ENOX1: variants seen among roughly 807,000 people sequenced by gnomAD.
ENOX1 encodes the protein candidate growth-related and time keeping constitutive hydroquinone (NADH) oxidase.
In ENOX1, 42 loss-of-function variants were observed where a neutral mutation model predicts 82.5. The observed-to-expected ratio is 0.51, with a 90% CI of 0.40 to 0.66. The LOEUF (loss-of-function observed/expected upper bound fraction) is 0.66, where lower values mean the gene tolerates loss of function less well. Among genes scored for constraint, ENOX1 ranks in the 30% least tolerant of loss-of-function variants. ENOX1 has a pLI of 0.00. For missense variants in ENOX1, 608 were observed against 811.6 expected (o/e 0.75, Z 3.05); for synonymous variants, 271 against 282.2 (o/e 0.96, Z 0.40).
At chr13:43,418,122 T>C (rs1487194764) in intron 3 of ENOX1, among the ~76,000 whole-genome samples, 2 of 152,118 alleles carry the variant, frequency 1.3e-5, no homozygotes, top group Non-Finnish European at 2.9e-5. Context: ...GACAGGAGAA[T>C]TGCTTGAACC....
At chr13:43,566,589 C>A (rs1239366665) in intron 2 of ENOX1, among the ~76,000 whole-genome samples, 2 of 151,736 alleles carry the variant, frequency 1.3e-5, no homozygotes. Context: ...ATACTTCTAT[C>A]TGCAGCAATA....
chr13:43,717,689 A>G (rs2088243325), intron 1 of ENOX1, among the ~76,000 whole-genome samples: 3 of 152,164 alleles, frequency 2.0e-5, no homozygotes, highest in Non-Finnish European at 4.4e-5. Context: ...AAACAAATCA[A>G]CAAGCAAAAA....
intron 1 of ENOX1, among the ~76,000 whole-genome samples, chr13:43,742,641 A>AT (rs1421716652): frequency 6.6e-6 from 1 of 152,202 alleles, no homozygotes; most frequent in Admixed American, 6.5e-5. Context: ...TTATCTGGGC[A>AT]TTCTTTGGCC....
intron 5 of ENOX1, among the ~76,000 whole-genome samples, chr13:43,365,844 G>C (rs1037046179): frequency 2.0e-5 from 3 of 152,208 alleles, no homozygotes; most frequent in African/African-American, 7.2e-5. Flanking sequence ...ACGCCAGATG[G>C]ACCCTCAAGT....
chr13:43,689,679 G>A, intron 1 of ENOX1, among the ~76,000 whole-genome samples: 1 of 152,156 alleles, frequency 6.6e-6, no homozygotes, highest in East Asian at 1.9e-4. Flanking sequence ...CTCTATAGGA[G>A]AAATGTATAT....
chr13:43,501,166 G>GA (rs922714201), intron 2 of ENOX1, among the ~76,000 whole-genome samples: 25 of 149,766 alleles, frequency 1.7e-4, no homozygotes, highest in Admixed American at 4.0e-4. Context: ...GTAAAAGAAT[G>GA]AAAAAAAAAT....
At chr13:43,552,004 G>A (rs927234961) in intron 2 of ENOX1, among the ~76,000 whole-genome samples, 1 of 152,046 alleles carries the variant, frequency 6.6e-6, no homozygotes, top group Non-Finnish European at 1.5e-5. Context: ...GCCTGACCTG[G>A]TCTCTACCTG....
chr13:43,465,802 G>A (rs2057692892), intron 3 of ENOX1, among the ~76,000 whole-genome samples: 1 of 152,148 alleles, frequency 6.6e-6, no homozygotes, highest in South Asian at 2.1e-4. Flanking sequence ...GTTTGTTGCA[G>A]CCCCCTCTCC....
At chr13:43,509,556 G>A (rs1326168142) in intron 2 of ENOX1, among the ~76,000 whole-genome samples, 1 of 152,082 alleles carries the variant, frequency 6.6e-6, no homozygotes, top group Non-Finnish European at 1.5e-5. Context: ...TACATCTGAT[G>A]TAGCACGAAC....
chr13:43,228,433 A>G (rs1212094996), intron 15 of ENOX1, among the ~76,000 whole-genome samples: 1 of 152,174 alleles, frequency 6.6e-6, no homozygotes, highest in African/African-American at 2.4e-5. Flanking sequence ...AAAATTTTAA[A>G]AGAACAAAGG....
At chr13:43,689,080 G>T (rs1040882558) in intron 1 of ENOX1, among the ~76,000 whole-genome samples, 1 of 152,178 alleles carries the variant, frequency 6.6e-6, no homozygotes, top group Non-Finnish European at 1.5e-5. Context: ...CCAAAAGGAG[G>T]AAAGTTCAGA....
At chr13:43,665,146 C>T (rs192731244) in intron 2 of ENOX1, among the ~76,000 whole-genome samples, 232 of 152,270 alleles carry the variant, frequency 1.5e-3, no homozygotes, top group Non-Finnish European at 1.7e-3. Context: ...TTGCAGGGCT[C>T]CTAAAGATGC....
intron 2 of ENOX1, among the ~76,000 whole-genome samples, chr13:43,535,133 C>T (rs530748661): frequency 6.6e-6 from 1 of 152,284 alleles, no homozygotes; most frequent in African/African-American, 2.4e-5. Flanking sequence ...ATAGAGATTA[C>T]ACTACAGAGT....
chr13:43,296,069 A>G (rs1197367459), intron 12 of ENOX1, among the ~76,000 whole-genome samples: 1 of 152,154 alleles, frequency 6.6e-6, no homozygotes, highest in Admixed American at 6.5e-5. Context: ...GCTTGCCTCC[A>G]GGTCTTTGTC....
intron 2 of ENOX1, among the ~76,000 whole-genome samples, chr13:43,494,483 A>G (rs961534829): frequency 3.9e-5 from 6 of 152,216 alleles, no homozygotes; most frequent in African/African-American, 1.4e-4. Context: ...TAACCTAAGA[A>G]AATGACGGAA....
At chr13:43,416,191 A>T (rs1256568033) in intron 3 of ENOX1, among the ~76,000 whole-genome samples, 44 of 13,004 alleles carry the variant, frequency 3.4e-3, no homozygotes, top group Middle Eastern at 0.029. Flanking sequence ...CGCTCCTCAC[A>T]TCCCAGACGG....
chr13:43,447,427 G>A (rs550381744), intron 3 of ENOX1, among the ~76,000 whole-genome samples: 98 of 152,222 alleles, frequency 6.4e-4, no homozygotes, highest in African/African-American at 2.3e-3. Context: ...ATGCCAAGGT[G>A]TTCTTAAGGC....
chr13:43,382,917 C>T (rs1036908193), intron 5 of ENOX1, among the ~76,000 whole-genome samples: 7 of 152,292 alleles, frequency 4.6e-5, no homozygotes, highest in Non-Finnish European at 7.4e-5. Flanking sequence ...GATAGGAGGG[C>T]ATGGTTGTCC....
At chr13:43,426,247 A>G (rs2055293355) in intron 3 of ENOX1, among the ~76,000 whole-genome samples, 1 of 152,210 alleles carries the variant, frequency 6.6e-6, no homozygotes, top group Non-Finnish European at 1.5e-5. Flanking sequence ...ATTGACCTTA[A>G]AGAATACAGA....
Sources: allele counts gnomAD v4.1 joint callset (sites outside exome capture counted in the v4.1 genomes callset), GRCh38; gene constraint gnomAD v4.1.1; transcripts MANE v1.5; gene names NCBI Gene and HGNC (gene_info 2026-07-23, HGNC 2026-07-21).